The following SPNS3 variants were observed in gnomAD, a reference collection of about 807,000 sequenced individuals.
SPNS3 encodes the protein SPNS lysolipid transporter 3, sphingosine-1-phosphate (putative).
SPNS3 carries 51 observed loss-of-function variants against 54.4 expected under a neutral mutation model. The ratio of observed to expected loss-of-function variants is 0.94; its 90% confidence interval spans 0.75 to 1.18. SPNS3 has a LOEUF of 1.18. Among genes scored for constraint, SPNS3 ranks in the 50% most tolerant of loss-of-function variants. The pLI is 0.00. For missense variants in SPNS3, 669 were observed against 677.4 expected (o/e 0.99, Z 0.14); for synonymous variants, 309 against 294.7 (o/e 1.05, Z -0.50).
intron 8 of SPNS3, among the ~76,000 whole-genome samples, chr17:4,468,592 G>T (rs1971748897): frequency 6.6e-6 from 1 of 151,642 alleles, no homozygotes; most frequent in Non-Finnish European, 1.5e-5. Context: ...GGCGGGGGAA[G>T]ACTGAGGGAG....
intron 8 of SPNS3, among the ~76,000 whole-genome samples, chr17:4,477,166 G>C (rs1033272712): frequency 6.6e-6 from 1 of 152,242 alleles, no homozygotes; most frequent in East Asian, 1.9e-4. Flanking sequence ...ATCACGGCGT[G>C]GGGGGTGGGG....
chr17:4,460,227 TG>T (rs1251145239), intron 8 of SPNS3, among the ~76,000 whole-genome samples: 7 of 152,058 alleles, frequency 4.6e-5, no homozygotes, highest in Admixed American at 4.6e-4. Context: ...TTGTGGGCAT[TG>T]GGTGAGATGG....
chr17:4,478,174 G>A (rs1450958856), intron 8 of SPNS3, among the ~76,000 whole-genome samples: 3 of 151,888 alleles, frequency 2.0e-5, no homozygotes, highest in Non-Finnish European at 4.4e-5. Flanking sequence ...GTTTTACCAT[G>A]TTGGCCAGGC....
intron 2 of SPNS3, among the ~76,000 whole-genome samples, chr17:4,441,544 C>G (rs1390237293): frequency 6.6e-6 from 1 of 152,124 alleles, no homozygotes; most frequent in African/African-American, 2.4e-5. Flanking sequence ...ACAACCTTCT[C>G]GATTAAATAG....
Position 4,453,077 on chromosome 17 carries a change from G to A in SPNS3, c.985G>A (p.Ala329Thr). ...GVIGVILGAEAARRYKKVIPG... is the reference protein window; with the variant it reads ...GVIGVILGAETARRYKKVIPG... The stretch of plus-strand genomic sequence containing the variant: ...CATTGGGGTCATCTTGGGGGCAGAA[G>A]CTGCGAGGAGGTACAAGAAAGTCAT... Residue 329 changes from alanine (A) to threonine (T), a missense_variant, in exon 8 of 12, where the codon GCT (alanine) becomes ACT (threonine). Ala to Thr is a moderately conservative substitution (Grantham distance 58, BLOSUM62 0). Coordinates refer to ENST00000355530, the MANE Select transcript of SPNS3 (RefSeq NM_182538.5). 6.2e-7 allele frequency: 1 copy of A among 1,614,130 alleles called. No individual in the cohort carries two copies. Among genetic ancestry groups the A allele is most frequent in the South Asian group, 1.1e-5 (1 of 91,084 alleles).
intron 8 of SPNS3, among the ~76,000 whole-genome samples, chr17:4,477,013 C>T (rs729535): frequency 0.28 from 41,922 of 152,110 alleles, 7,367 homozygotes; most frequent in South Asian, 0.4. Context: ...CTCTCCCTGG[C>T]GCCACCTCTG....
chr17:4,439,649 T>C lies in SPNS3; in HGVS notation c.200-9T>C. On this transcript the variant is annotated splice_polypyrimidine_tract_variant and intron_variant, in intron 1 of 11. Coordinates refer to ENST00000355530, the MANE Select transcript of SPNS3 (RefSeq NM_182538.5). ...TCCCGTTTCCTGAGCACTGTCCCTCTGTCTGCAGGAGTGCTGCTGGATATA... is the reference window on the plus strand; with the variant it reads ...TCCCGTTTCCTGAGCACTGTCCCTCCGTCTGCAGGAGTGCTGCTGGATATA... The C allele has an allele frequency of 3.1e-6, 5 of 1,612,290 alleles. No homozygotes were observed. Among genetic ancestry groups the C allele is most frequent in the Non-Finnish European group, 4.2e-6 (5 of 1,179,286 alleles).
chr17:4,464,021 T>C (rs779176252), intron 8 of SPNS3, among the ~76,000 whole-genome samples: 4 of 152,186 alleles, frequency 2.6e-5, no homozygotes, highest in Non-Finnish European at 1.5e-5. Context: ...AACTGCATTG[T>C]GTGGGCAGGA....
chr17:4,476,516 G>C (rs1972005403), intron 8 of SPNS3, among the ~76,000 whole-genome samples: 1 of 152,198 alleles, frequency 6.6e-6, no homozygotes, highest in African/African-American at 2.4e-5. Context: ...TGTGAAGGGG[G>C]GAGAGGCCTG....
intron 8 of SPNS3, among the ~76,000 whole-genome samples, chr17:4,454,204 C>T (rs1192539285): frequency 6.6e-6 from 1 of 152,246 alleles, no homozygotes; most frequent in East Asian, 1.9e-4. Flanking sequence ...AGACAGGGAG[C>T]CCAAAGGGCA....
chr17:4,454,977 G>A (rs1357358540), intron 8 of SPNS3, among the ~76,000 whole-genome samples: 2 of 149,408 alleles, frequency 1.3e-5, no homozygotes, highest in South Asian at 2.1e-4. Context: ...GCGGTGGCGC[G>A]ATCTCAGCTC....
intron 8 of SPNS3, among the ~76,000 whole-genome samples, chr17:4,474,647 G>A (rs576772698): frequency 7.2e-5 from 11 of 152,322 alleles, no homozygotes; most frequent in South Asian, 2.1e-4. Flanking sequence ...AGAGGTGTGC[G>A]TGTACGCACA....
intron 8 of SPNS3, among the ~76,000 whole-genome samples, chr17:4,454,233 C>T (rs1971243660): frequency 6.6e-6 from 1 of 152,234 alleles, no homozygotes; most frequent in South Asian, 2.1e-4. Context: ...GCCAGAGGGT[C>T]CCTGTGTGCA....
At chr17:4,459,860 T>C (rs1971448952) in intron 8 of SPNS3, among the ~76,000 whole-genome samples, 1 of 152,108 alleles carries the variant, frequency 6.6e-6, no homozygotes, top group South Asian at 2.1e-4. Context: ...TATTGTAAAA[T>C]TCAGAGTATT....
At position 4,445,033 on chromosome 17, in the gene SPNS3, C is replaced by A; in HGVS notation, c.267C>A (p.Val89=). 6.2e-7 allele frequency: 1 copy of A among 1,613,292 alleles called. No individual in the cohort carries two copies. Among genetic ancestry groups the A allele is most frequent in the Non-Finnish European group, 8.5e-7 (1 of 1,179,522 alleles). ...GCTGCCCCTGTGTGTCTCCTTCAGT[C>A]TTCGTTAGCTGCCTGCTGCTGTCTG... is the stretch of plus-strand genomic sequence containing the variant. The part of the protein sequence containing the change: ...SDNHAGLLQT[V]FVSCLLLSAP... The change falls in exon 3 of 12, where the codon GTC becomes GTA. Residue 89 remains valine (V), a splice_region_variant and synonymous_variant. Transcript: ENST00000355530.
In SPNS3 at chr17:4,449,087, G is replaced by A. The variant is rs535475301; in HGVS notation, c.771-148G>A. On this transcript the variant is annotated intron_variant, in intron 6 of 11. Coordinates refer to ENST00000355530, the MANE Select transcript of SPNS3 (RefSeq NM_182538.5). ...GAGCCTCAGTTTGCCTATCTGTAAA[G>A]AGGGGGTAGCAAATGCTACCTATGG... 1.9e-4 allele frequency: 168 copies of A among 904,008 alleles called. 1 individual carries two copies. In the East Asian group the frequency reaches 3.5e-3, roughly 19 times the overall value. The allele number at this position is 904,008 out of a possible 1,614,324, so 56.0% of individuals were successfully genotyped here.
At chr17:4,442,312 C>T (rs1189733992) in intron 2 of SPNS3, among the ~76,000 whole-genome samples, 1 of 150,824 alleles carries the variant, frequency 6.6e-6, no homozygotes, top group East Asian at 1.9e-4. Context: ...CTGGGTGGAT[C>T]ACCTGAGGTC....
chr17:4,487,035 G>A (rs1183646738), intron 11 of SPNS3, among the ~76,000 whole-genome samples: 2 of 152,048 alleles, frequency 1.3e-5, no homozygotes, highest in East Asian at 1.9e-4. Context: ...AGCCAGGTGC[G>A]GTGGCACACA....
intron 8 of SPNS3, among the ~76,000 whole-genome samples, chr17:4,458,622 TTTC>T (rs1971403692): frequency 1.1e-5 from 1 of 89,428 alleles, no homozygotes; most frequent in Non-Finnish European, 2.6e-5. Context: ...TCTTTCTTTC[TTTC>T]TTTCTTTCTT....
Sources: allele counts gnomAD v4.1 joint callset (sites outside exome capture counted in the v4.1 genomes callset), GRCh38; gene constraint gnomAD v4.1.1; transcripts MANE v1.5; gene names NCBI Gene and HGNC (gene_info 2026-07-23, HGNC 2026-07-21).